The following CADPS2 variants were observed in gnomAD, a reference collection of about 807,000 sequenced individuals.
The protein encoded by CADPS2 is calcium-dependent secretion activator 2.
Under a neutral mutation model 172.5 loss-of-function variants are expected in CADPS2, and 93 were observed. That is an observed-to-expected ratio of 0.54 (90% CI 0.46 to 0.64). CADPS2 has a LOEUF of 0.64. CADPS2 is among the 30% of genes least tolerant of loss of function. CADPS2 has a pLI of 0.00. For missense variants in CADPS2, 1,420 were observed against 1,565.9 expected, an observed-to-expected ratio of 0.91 and a Z score of 1.57; for synonymous variants, 546 against 555.2, an observed-to-expected ratio of 0.98 and a Z score of 0.23.
At chr7:122,842,325 T>A (rs1810780921) in intron 1 of CADPS2, among the ~76,000 whole-genome samples, 1 of 152,028 alleles carries the variant, frequency 6.6e-6, no homozygotes, top group Non-Finnish European at 1.5e-5. Context: ...GAAAAGCAAA[T>A]GAAAAAAATC....
At chr7:122,603,717 T>G (rs1162880253) in intron 6 of CADPS2, among the ~76,000 whole-genome samples, 1 of 152,122 alleles carries the variant, frequency 6.6e-6, no homozygotes, top group Non-Finnish European at 1.5e-5. Flanking sequence ...ATCTTTCTCT[T>G]AAAACCATTT....
At chr7:122,777,719 A>G (rs1426879066) in intron 1 of CADPS2, among the ~76,000 whole-genome samples, 1 of 152,012 alleles carries the variant, frequency 6.6e-6, no homozygotes, top group African/African-American at 2.4e-5. Context: ...TTCTCCTTGC[A>G]GCCACCTTGA....
chr7:122,744,591 T>C (rs1483139987), intron 1 of CADPS2, among the ~76,000 whole-genome samples: 1 of 152,212 alleles, frequency 6.6e-6, no homozygotes, highest in Non-Finnish European at 1.5e-5. Context: ...AAAGTTATTT[T>C]GGCAAACCAA....
chr7:122,818,955 C>T (rs1316160984), intron 1 of CADPS2, among the ~76,000 whole-genome samples: 2 of 152,160 alleles, frequency 1.3e-5, no homozygotes, highest in Non-Finnish European at 1.5e-5. Context: ...CATTTTATTA[C>T]CCAATCTGCT....
intron 4 of CADPS2, 39 bp from the exon 5 acceptor site, chr7:122,621,756 C>A: frequency 1.7e-6 from 2 of 1,155,680 alleles, no homozygotes; most frequent in South Asian, 1.4e-5. Context: ...TTACATAAGT[C>A]ATATTTCAAT....
intron 2 of CADPS2, among the ~76,000 whole-genome samples, chr7:122,693,104 C>T (rs1564081211): frequency 6.6e-6 from 1 of 152,192 alleles, no homozygotes; most frequent in Non-Finnish European, 1.5e-5. Context: ...TTGACCAAAG[C>T]ACAGCCATGT....
At chr7:122,571,949 CA>C (rs1274716299) in intron 7 of CADPS2, among the ~76,000 whole-genome samples, 2 of 151,918 alleles carry the variant, frequency 1.3e-5, no homozygotes, top group African/African-American at 2.4e-5. Context: ...CAAATAATTA[CA>C]AAAAAATTAA....
At chr7:122,796,328 G>A (rs993985859) in intron 1 of CADPS2, among the ~76,000 whole-genome samples, 4 of 152,108 alleles carry the variant, frequency 2.6e-5, no homozygotes, top group Admixed American at 6.5e-5. Context: ...AACTTCCATT[G>A]ACATTCTTCA....
At chr7:122,816,453 T>C (rs1386415147) in intron 1 of CADPS2, among the ~76,000 whole-genome samples, 2 of 152,226 alleles carry the variant, frequency 1.3e-5, no homozygotes, top group Non-Finnish European at 2.9e-5. Flanking sequence ...GACATTTACG[T>C]TGATTCCATA....
chr7:122,822,103 T>C (rs536310146), intron 1 of CADPS2, among the ~76,000 whole-genome samples: 7 of 151,838 alleles, frequency 4.6e-5, no homozygotes, highest in South Asian at 4.2e-4. Context: ...ACAGCTGATA[T>C]CTCCTGGTGC....
chr7:122,482,607 G>A (rs1306409639), intron 11 of CADPS2, among the ~76,000 whole-genome samples: 1 of 152,160 alleles, frequency 6.6e-6, no homozygotes, highest in Admixed American at 6.5e-5. Context: ...ATTAAACGCT[G>A]CACGTTGGGC....
chr7:122,689,050 T>C (rs772490167), intron 2 of CADPS2, among the ~76,000 whole-genome samples: 1 of 152,104 alleles, frequency 6.6e-6, no homozygotes, highest in Admixed American at 6.5e-5. Flanking sequence ...CCGGTGCACA[T>C]AGGGCTGCAC....
At chr7:122,404,861 C>T (rs568046899) in intron 20 of CADPS2, among the ~76,000 whole-genome samples, 3 of 152,250 alleles carry the variant, frequency 2.0e-5, no homozygotes, top group South Asian at 4.2e-4. Context: ...CGCGGTGGCT[C>T]ATGCCTGTAA....
chr7:122,503,196 T>C (rs1244506327), intron 9 of CADPS2, among the ~76,000 whole-genome samples: 1 of 151,984 alleles, frequency 6.6e-6, no homozygotes, highest in African/African-American at 2.4e-5. Flanking sequence ...CACACCTGGC[T>C]GGCTAATTTT....
intron 2 of CADPS2, chr7:122,702,294 C>T (rs765016267): frequency 1.2e-6 from 2 of 1,613,864 alleles, no homozygotes; most frequent in Non-Finnish European, 1.7e-6. Context: ...CTTATCATCA[C>T]CGCGACTATA....
intron 3 of CADPS2, among the ~76,000 whole-genome samples, chr7:122,638,330 C>A (rs1013855824): frequency 3.9e-5 from 6 of 152,138 alleles, no homozygotes; most frequent in Admixed American, 3.3e-4. Context: ...CCTCCCCACC[C>A]CCTGCTTGGG....
chr7:122,326,467 T>G (rs146288511), intron 28 of CADPS2, among the ~76,000 whole-genome samples: 2 of 152,222 alleles, frequency 1.3e-5, no homozygotes, highest in African/African-American at 4.8e-5. Flanking sequence ...GACACAGTGA[T>G]TCAGAGCTAG....
chr7:122,672,895 G>A (rs748791102), intron 2 of CADPS2, among the ~76,000 whole-genome samples: 8 of 152,166 alleles, frequency 5.3e-5, no homozygotes, highest in South Asian at 2.1e-4. Flanking sequence ...GGACCCTCGC[G>A]GTGAGTGTTA....
At chr7:122,676,534 C>T (rs964538810) in intron 2 of CADPS2, 1 of 550,284 alleles carries the variant, frequency 1.8e-6, no homozygotes, top group Non-Finnish European at 3.2e-6. Flanking sequence ...AGCTTATGTT[C>T]AAGCAGCAGT....
Sources: allele counts gnomAD v4.1 joint callset (sites outside exome capture counted in the v4.1 genomes callset), GRCh38; gene constraint gnomAD v4.1.1; transcripts MANE v1.5; gene names NCBI Gene and HGNC (gene_info 2026-07-23, HGNC 2026-07-21).